FUBP3: variants seen among roughly 807,000 people sequenced by gnomAD.
FUBP3 encodes far upstream element-binding protein 3.
FUBP3 carries 28 observed loss-of-function variants against 85.6 expected under a neutral mutation model. That is an observed-to-expected ratio of 0.33 (90% CI 0.24 to 0.45). The LOEUF (loss-of-function observed/expected upper bound fraction) is 0.45, where lower values mean the gene tolerates loss of function less well. FUBP3 is among the 20% of genes least tolerant of loss of function. FUBP3 has a pLI of 1.00. For missense variants in FUBP3, 583 were observed against 755.1 expected, an observed-to-expected ratio of 0.77 and a Z score of 2.67; for synonymous variants, 271 against 271.4, an observed-to-expected ratio of 1.00 and a Z score of 0.01.
At chr9:130,631,257 C>T in intron 13 of FUBP3, 1 of 1,317,594 alleles carries the variant, frequency 7.6e-7, no homozygotes, top group Non-Finnish European at 9.7e-7. Context: ...GCAGAAAGAG[C>T]CTTGGGCCAG....
Position 130,610,700 on chromosome 9 carries a change from A to G in FUBP3, c.224+713A>G, listed in dbSNP as rs151122327. Among the ~76,000 whole-genome samples the G allele has an allele frequency of 3.0e-3, 454 of 152,370 alleles. 2 individuals carry two copies. Among genetic ancestry groups the G allele is most frequent in the African/African-American group, 0.01 (436 of 41,586 alleles). On this transcript the variant is annotated intron_variant, in intron 3 of 18. Coordinates refer to ENST00000319725, the MANE Select transcript of FUBP3 (RefSeq NM_003934.2). Reference sequence around the variant, plus strand: ...TGGAAGGATGAATTTTGTGCTATGTATCTGTTGCTGTAACATATCCTTAAC... The same window carrying G: ...TGGAAGGATGAATTTTGTGCTATGTGTCTGTTGCTGTAACATATCCTTAAC...
intron 2 of FUBP3, among the ~76,000 whole-genome samples, chr9:130,603,717 A>T (rs1350140033): frequency 1.3e-5 from 2 of 152,232 alleles, no homozygotes; most frequent in Non-Finnish European, 2.9e-5. Context: ...ACTCGAGCTC[A>T]TGTACAATGC....
At chr9:130,607,117 C>T (rs1831498269) in intron 2 of FUBP3, among the ~76,000 whole-genome samples, 1 of 151,280 alleles carries the variant, frequency 6.6e-6, no homozygotes, top group South Asian at 2.1e-4. Flanking sequence ...TGTGCACCAC[C>T]ACACCCAGCT....
intron 2 of FUBP3, chr9:130,596,729 T>G (rs1213296233): frequency 2.7e-6 from 1 of 367,744 alleles, no homozygotes; most frequent in African/African-American, 2.2e-5. Flanking sequence ...AAACCCTATG[T>G]TAAGGTTCTT....
intron 12 of FUBP3, among the ~76,000 whole-genome samples, chr9:130,628,826 G>A (rs1410996755): frequency 3.3e-5 from 5 of 152,094 alleles, no homozygotes; most frequent in Non-Finnish European, 7.4e-5. Context: ...CTGGAGTGCA[G>A]TGGCGTGATC....
intron 9 of FUBP3, 25 bp from the exon 10 acceptor site, chr9:130,622,683 T>G: frequency 6.1e-6 from 7 of 1,144,462 alleles, no homozygotes; most frequent in South Asian, 1.4e-5. Flanking sequence ...AAAGTTCTGA[T>G]GTGGTTTGGT....
chr9:130,614,477 T>C (rs906519261), intron 6 of FUBP3, 132 bp downstream of exon 6: 7 of 571,132 alleles, frequency 1.2e-5, no homozygotes, highest in Non-Finnish European at 2.2e-5. Context: ...GATAATTCCA[T>C]AGGAAAAAAA....
At chr9:130,621,174 A>C (rs1194172420) in intron 9 of FUBP3, among the ~76,000 whole-genome samples, 1 of 152,130 alleles carries the variant, frequency 6.6e-6, no homozygotes. Flanking sequence ...AAAATGAAGG[A>C]AAAAAATGCA....
chr9:130,629,061 G>T lies in FUBP3; in HGVS notation c.1118-1567G>T, dbSNP rs118144720. ...TGGGATTACAGGCGTGAGCCACCGC[G>T]CCTGGCCAAGTCTCTATTCTTTATT... On this transcript the variant is annotated intron_variant, in intron 12 of 18. Coordinates refer to ENST00000319725, the MANE Select transcript of FUBP3 (RefSeq NM_003934.2). 2.0e-5 allele frequency among the ~76,000 whole-genome samples: 3 copies of T among 152,292 alleles called. No individual in the cohort carries two copies. In the South Asian group the frequency reaches 6.2e-4, roughly 32 times the overall value.
chr9:130,631,083 C>G (rs1830190735), intron 13 of FUBP3: 2 of 1,079,284 alleles, frequency 1.9e-6, no homozygotes, highest in Non-Finnish European at 2.3e-6. Flanking sequence ...GCAGCCTCCC[C>G]CCACGCTGCC....
At chr9:130,631,017 C>T in intron 13 of FUBP3, 1 of 654,996 alleles carries the variant, frequency 1.5e-6, no homozygotes. Context: ...ACCAAGGCCG[C>T]AGCAGCCGAG....
intron 9 of FUBP3, among the ~76,000 whole-genome samples, chr9:130,621,296 C>T (rs1185608311): frequency 6.6e-6 from 1 of 150,826 alleles, no homozygotes; most frequent in Non-Finnish European, 1.5e-5. Context: ...TCTGTCTGGG[C>T]AATATAGCCA....
intron 15 of FUBP3, 66 bp downstream of exon 15, chr9:130,632,088 A>C: frequency 6.8e-7 from 1 of 1,476,692 alleles, no homozygotes; most frequent in Non-Finnish European, 9.5e-7. Flanking sequence ...GCTATTGCCG[A>C]CAGGCAAGGG....
In FUBP3 at chr9:130,631,057, A is replaced by G. The variant is rs1399407894; in HGVS notation, c.1278+269A>G. 6.6e-6 allele frequency: 6 copies of G among 915,028 alleles called. No individual in the cohort carries two copies. The African/African-American group carries it at 1.0e-4, about 16-fold the overall frequency. The allele number at this position is 915,028 out of a possible 1,614,324, so 56.7% of individuals were successfully genotyped here. Reference sequence around the variant, plus strand: ...CAGAGCCGTTCCCCTGCGGGCTTAGATGAGCGGCTGGGGCGGCAGCCTCCC... The same window carrying G: ...CAGAGCCGTTCCCCTGCGGGCTTAGGTGAGCGGCTGGGGCGGCAGCCTCCC... On this transcript the variant is annotated intron_variant, in intron 13 of 18. Coordinates refer to ENST00000319725, the MANE Select transcript of FUBP3 (RefSeq NM_003934.2).
intron 2 of FUBP3, chr9:130,596,722 C>T (rs1830891409): frequency 5.3e-6 from 2 of 380,912 alleles, no homozygotes; most frequent in South Asian, 2.0e-5. Context: ...CCTGAATAAA[C>T]CCTATGTTAA....
chr9:130,602,006 T>C (rs1294670773), intron 2 of FUBP3, among the ~76,000 whole-genome samples: 2 of 152,054 alleles, frequency 1.3e-5, no homozygotes, highest in Non-Finnish European at 2.9e-5. Flanking sequence ...TTCACCATGT[T>C]GGCCAGGCTG....
At chr9:130,620,769 A>G (rs919984018) in intron 9 of FUBP3, among the ~76,000 whole-genome samples, 1 of 152,090 alleles carries the variant, frequency 6.6e-6, no homozygotes, top group African/African-American at 2.4e-5. Flanking sequence ...ATTCTGTCAA[A>G]CTCAGCAGCC....
At chr9:130,617,049 T>C (rs1397179258) in intron 7 of FUBP3, among the ~76,000 whole-genome samples, 1 of 152,224 alleles carries the variant, frequency 6.6e-6, no homozygotes, top group Non-Finnish European at 1.5e-5. Context: ...CTGCTGTTAG[T>C]GCCAGAATCC....
At chr9:130,608,967 G>A (rs1373099409) in intron 2 of FUBP3, among the ~76,000 whole-genome samples, 1 of 152,184 alleles carries the variant, frequency 6.6e-6, no homozygotes, top group Non-Finnish European at 1.5e-5. Context: ...CCTCAAGTGG[G>A]TGTAATCGAT....
Sources: gnomAD v4.1 joint callset for allele counts (sites outside exome capture counted in the v4.1 genomes callset) on GRCh38, gnomAD v4.1.1 for gene constraint, MANE v1.5 for transcripts, NCBI Gene and HGNC (gene_info 2026-07-23, HGNC 2026-07-21) for gene names.